Variants in GABRB3 observed in about 807,000 individuals in gnomAD.
The protein encoded by GABRB3 is gamma-aminobutyric acid receptor subunit beta-3.
Under a neutral mutation model 52.1 loss-of-function variants are expected in GABRB3, and 14 were observed. That is an observed-to-expected ratio of 0.27 (90% CI 0.18 to 0.42). The LOEUF (loss-of-function observed/expected upper bound fraction) is 0.42, where lower values mean the gene tolerates loss of function less well. Among genes scored for constraint, GABRB3 ranks in the 10% least tolerant of loss-of-function variants. GABRB3 has a pLI of 1.00. For missense variants in GABRB3, 307 were observed against 609.1 expected, an observed-to-expected ratio of 0.50 and a Z score of 5.22; for synonymous variants, 260 against 232.3, an observed-to-expected ratio of 1.12 and a Z score of -1.08.
At chr15:26,602,893 GAAGAA>G (rs1437053698) in intron 4 of GABRB3, among the ~76,000 whole-genome samples, 1 of 151,824 alleles carries the variant, frequency 6.6e-6, no homozygotes, top group African/African-American at 2.4e-5. Context: ...CAAATTAATA[GAAGAA>G]AAGAAATAAT....
chr15:26,771,339 CTA>C (rs1345495766), intron 3 of GABRB3, among the ~76,000 whole-genome samples: 4 of 152,100 alleles, frequency 2.6e-5, no homozygotes, highest in Non-Finnish European at 4.4e-5. Context: ...GAGTGAGGAA[CTA>C]GCAGGCACGC....
intron 3 of GABRB3, among the ~76,000 whole-genome samples, chr15:26,759,801 C>T (rs1176096204): frequency 6.6e-6 from 1 of 152,106 alleles, no homozygotes; most frequent in South Asian, 2.1e-4. Flanking sequence ...TTCTAAAAAA[C>T]CTGAATATGG....
intron 4 of GABRB3, chr15:26,615,525 C>A: frequency 1.2e-6 from 1 of 822,132 alleles, no homozygotes; most frequent in Non-Finnish European, 1.5e-6. Flanking sequence ...TTTATCACTA[C>A]AAGAATGTGA....
intron 4 of GABRB3, among the ~76,000 whole-genome samples, chr15:26,591,936 C>T (rs917427644): frequency 1.3e-5 from 2 of 152,070 alleles, no homozygotes; most frequent in African/African-American, 2.4e-5. Context: ...CTGGTAGCTA[C>T]TGTACTATGC....
chr15:26,591,607 C>G (rs1273013594), intron 4 of GABRB3, among the ~76,000 whole-genome samples: 2 of 152,196 alleles, frequency 1.3e-5, no homozygotes, highest in African/African-American at 4.8e-5. Context: ...CTGAAAGGAA[C>G]TGCCCAGAGG....
chr15:26,639,468 A>G (rs1294260827), intron 3 of GABRB3, among the ~76,000 whole-genome samples: 2 of 152,168 alleles, frequency 1.3e-5, no homozygotes, highest in Non-Finnish European at 2.9e-5. Context: ...GAATTATGAG[A>G]ATAGAGATGA....
At chr15:26,618,612 G>A (rs1892355594) in intron 4 of GABRB3, among the ~76,000 whole-genome samples, 1 of 152,150 alleles carries the variant, frequency 6.6e-6, no homozygotes, top group Admixed American at 6.5e-5. Flanking sequence ...CATGGGCAAG[G>A]ACTTCATGTC....
rs1889189914 is a variant in GABRB3 at position 26,545,254 on chromosome 15, T to C, written c.*2539A>G. On this transcript the variant is annotated 3_prime_UTR_variant, in exon 9 of 9. Coordinates refer to ENST00000311550, the MANE Select transcript of GABRB3 (RefSeq NM_000814.6). The stretch of plus-strand genomic sequence containing the variant: ...AACACTATTTATAGTATAGCTAATA[T>C]GTTAACTTCATCGCAGTGTCTACAA... 6.6e-6 allele frequency: 1 copy of C among 152,508 alleles called. No individual in the cohort carries two copies. Among genetic ancestry groups the C allele is most frequent in the Non-Finnish European group, 1.5e-5 (1 of 68,022 alleles). The allele number at this position is 152,508 out of a possible 1,614,324, so 9.4% of individuals were successfully genotyped here.
intron 3 of GABRB3, among the ~76,000 whole-genome samples, chr15:26,708,880 CG>C (rs1339137356): frequency 6.6e-6 from 1 of 152,140 alleles, no homozygotes; most frequent in Admixed American, 6.5e-5. Context: ...GACCTTTATG[CG>C]GGCTGTTTGG....
At chr15:26,653,963 T>C (rs1887281298) in intron 3 of GABRB3, among the ~76,000 whole-genome samples, 1 of 152,178 alleles carries the variant, frequency 6.6e-6, no homozygotes, top group South Asian at 2.1e-4. Context: ...ACTATAATGT[T>C]TATTCAGACT....
chr15:26,725,459 C>A (rs1253351287), intron 3 of GABRB3, among the ~76,000 whole-genome samples: 1 of 152,164 alleles, frequency 6.6e-6, no homozygotes, highest in African/African-American at 2.4e-5. Context: ...CTCCACACAC[C>A]ACATTGGACA....
At chr15:26,750,526 T>C (rs1344367391) in intron 3 of GABRB3, among the ~76,000 whole-genome samples, 1 of 150,276 alleles carries the variant, frequency 6.7e-6, no homozygotes, top group Non-Finnish European at 1.5e-5. Context: ...CCAGCTGACA[T>C]GGTACCTATC....
At chr15:26,742,969 G>A (rs946267986) in intron 3 of GABRB3, among the ~76,000 whole-genome samples, 5 of 140,204 alleles carry the variant, frequency 3.6e-5, no homozygotes, top group African/African-American at 8.1e-5. Flanking sequence ...TCGCTATGGC[G>A]CCCAGGCGGG....
At chr15:26,692,841 G>A (rs2140666643) in intron 3 of GABRB3, among the ~76,000 whole-genome samples, 1 of 152,298 alleles carries the variant, frequency 6.6e-6, no homozygotes, top group East Asian at 1.9e-4. Context: ...ATCAGACCAA[G>A]AAATCTCGTT....
intron 3 of GABRB3, among the ~76,000 whole-genome samples, chr15:26,669,099 C>T (rs930299202): frequency 2.0e-5 from 3 of 152,164 alleles, no homozygotes; most frequent in Non-Finnish European, 2.9e-5. Flanking sequence ...CCCCACACTC[C>T]GTCTATCTGT....
chr15:26,718,790 T>C (rs541190296), intron 3 of GABRB3, among the ~76,000 whole-genome samples: 1 of 152,290 alleles, frequency 6.6e-6, no homozygotes, highest in African/African-American at 2.4e-5. Context: ...CTTAATCCTG[T>C]TACTCCTGAA....
At chr15:26,682,421 T>G (rs1656312250) in intron 3 of GABRB3, among the ~76,000 whole-genome samples, 1 of 152,172 alleles carries the variant, frequency 6.6e-6, no homozygotes, top group Non-Finnish European at 1.5e-5. Flanking sequence ...AAATGAAATC[T>G]GAGCAGGGCC....
intron 3 of GABRB3, among the ~76,000 whole-genome samples, chr15:26,707,842 A>G (rs1272458702): frequency 6.6e-6 from 1 of 152,152 alleles, no homozygotes; most frequent in Non-Finnish European, 1.5e-5. Context: ...GGAGAGGAGG[A>G]AAAGAATGTC....
intron 6 of GABRB3, among the ~76,000 whole-genome samples, chr15:26,578,335 C>A (rs967123155): frequency 6.6e-6 from 1 of 152,134 alleles, no homozygotes; most frequent in Admixed American, 6.5e-5. Context: ...GGAGCTCTTG[C>A]GCTACACCCA....
Sources: gnomAD v4.1 joint callset for allele counts (sites outside exome capture counted in the v4.1 genomes callset) on GRCh38, gnomAD v4.1.1 for gene constraint, MANE v1.5 for transcripts, NCBI Gene and HGNC (gene_info 2026-07-23, HGNC 2026-07-21) for gene names.